ERICH3: variants seen among roughly 807,000 people sequenced by gnomAD.
ERICH3 encodes glutamate-rich protein 3.
In ERICH3, 126 loss-of-function variants were observed where a neutral mutation model predicts 131.1. The observed-to-expected ratio is 0.96, with a 90% CI of 0.83 to 1.11. The LOEUF (loss-of-function observed/expected upper bound fraction) is 1.11, where lower values mean the gene tolerates loss of function less well. Ranked by LOEUF, ERICH3 falls within the 50% of genes most tolerant of loss-of-function variation. The probability of loss-of-function intolerance (pLI) is 0.00; values close to 1 mark genes in which losing one functional copy is unlikely to be tolerated. For synonymous variants in ERICH3, 695 were observed against 644.6 expected (o/e 1.08, Z -1.18); for missense variants, 2,050 against 1,810.7 (o/e 1.13, Z -2.40).
chr1:74,607,034 C>A, intron 9 of ERICH3, 132 bp from the exon 10 acceptor site: 1 of 629,062 alleles, frequency 1.6e-6, no homozygotes, highest in South Asian at 4.5e-5. Flanking sequence ...ACAGTACACA[C>A]TAATAAAAAT....
At chr1:74,672,418 A>C (rs777896757) in intron 1 of ERICH3, among the ~76,000 whole-genome samples, 1 of 152,348 alleles carries the variant, frequency 6.6e-6, no homozygotes, top group East Asian at 1.9e-4. Context: ...CTGATTTCCA[A>C]CGTGGCACCT....
intron 1 of ERICH3, among the ~76,000 whole-genome samples, chr1:74,660,336 T>A (rs1349322304): frequency 6.6e-6 from 1 of 151,948 alleles, no homozygotes; most frequent in African/African-American, 2.4e-5. Flanking sequence ...CAATTTAACA[T>A]AAAATTAATA....
intron 13 of ERICH3, among the ~76,000 whole-genome samples, chr1:74,575,161 G>C (rs1195074065): frequency 6.6e-6 from 1 of 152,052 alleles, no homozygotes; most frequent in Non-Finnish European, 1.5e-5. Flanking sequence ...ATCCAAGACT[G>C]TCTTACCATT....
chr1:74,650,091 G>C lies in ERICH3; in HGVS notation c.24-776C>G, dbSNP rs1375098224. On this transcript the variant is annotated intron_variant, in intron 1 of 14. Transcript: ENST00000326665. ...TAATGTGCTCAGGAAATAAAGATAT[G>C]ATTTTGTTTGGGACTTATTTTTATT... is the stretch of plus-strand genomic sequence containing the variant. Among the ~76,000 whole-genome samples the C allele has an allele frequency of 5.3e-5, 8 of 152,044 alleles. No homozygotes were observed. In the East Asian group the frequency reaches 1.2e-3, roughly 22 times the overall value.
chr1:74,612,630 A>G lies in ERICH3; in HGVS notation c.1180T>C (p.Cys394Arg). ...GFVCVERSSP[C>R]YKCIIAMGLD... The stretch of plus-strand genomic sequence containing the variant: ...GGACATTTGTTTCCATACTTGTAGC[A>G]AGGAGATGATCTCTCAACACACACA... Residue 394 changes from cysteine (C) to arginine (R), a missense_variant, in exon 9 of 15, where the codon TGC (cysteine) becomes CGC (arginine). Cys to Arg is a radical substitution (Grantham distance 180). Coordinates refer to ENST00000326665, the MANE Select transcript of ERICH3 (RefSeq NM_001002912.5). The G allele has an allele frequency of 6.4e-7, 1 of 1,554,646 alleles. No individual in the cohort carries two copies. Among genetic ancestry groups the G allele is most frequent in the Non-Finnish European group, 8.8e-7 (1 of 1,137,874 alleles).
intron 9 of ERICH3, 113 bp from the exon 10 acceptor site, chr1:74,607,015 G>A: frequency 1.0e-6 from 1 of 992,146 alleles, no homozygotes; most frequent in Non-Finnish European, 1.5e-6. Flanking sequence ...ACACAAAAAT[G>A]TTTTGATTAC....
chr1:74,645,566 T>C (rs1646475331), intron 3 of ERICH3, among the ~76,000 whole-genome samples: 1 of 152,040 alleles, frequency 6.6e-6, no homozygotes, highest in South Asian at 2.1e-4. Context: ...TTTGGAAAAC[T>C]AGGCTTCAAG....
intron 10 of ERICH3, among the ~76,000 whole-genome samples, chr1:74,602,485 T>C (rs1008892224): frequency 6.6e-6 from 1 of 151,966 alleles, no homozygotes; most frequent in Admixed American, 6.6e-5. Context: ...TCCCCACTAA[T>C]GAGGACGTGA....
rs745496149 is a variant in ERICH3, at chr1:74,571,139, G to A, written c.4571C>T (p.Ser1524Phe). ...VQGESETADV[S>F]PNNVQV ...CTCCTAGACCTGCACGTTGTTGGGG[G>A]AAACATCTGCAGTCTCGCTTTCTCC... The change falls in exon 14 of 15, where the codon TCC becomes TTC. Residue 1524 changes from serine to phenylalanine, a missense_variant. Coordinates refer to ENST00000326665, the MANE Select transcript of ERICH3 (RefSeq NM_001002912.5). 5.6e-6 allele frequency: 9 copies of A among 1,613,508 alleles called. No homozygotes were observed. Among genetic ancestry groups the A allele is most frequent in the African/African-American group, 4.0e-5 (3 of 74,912 alleles).
intron 11 of ERICH3, among the ~76,000 whole-genome samples, chr1:74,593,081 A>G (rs916943050): frequency 1.3e-5 from 2 of 152,098 alleles, no homozygotes; most frequent in Admixed American, 6.6e-5. Flanking sequence ...TCTGGTAGTG[A>G]TGCTATAAGA....
rs1460332314 is a variant in ERICH3 at position 74,569,758 on chromosome 1, T to C, written c.*700A>G. The C allele has an allele frequency of 2.0e-5, 3 of 152,184 alleles. No individual in the cohort carries two copies. The highest frequency in any genetic ancestry group is 4.4e-5 in the Non-Finnish European group (3 of 68,024). 9.4% of individuals were successfully genotyped at this position (152,184 alleles called of 1,614,324 possible). A position where few individuals can be genotyped will look rare whatever the true frequency, so the allele number is the denominator to read the frequency against. On this transcript the variant is annotated 3_prime_UTR_variant, in exon 15 of 15. Transcript: ENST00000326665. ...ATGCTGGAAGCTACCATTTTACTAG[T>C]CTACCCCAGAAAGCAGAACTACAGA...
At chr1:74,660,120 T>G (rs1210132995) in intron 1 of ERICH3, among the ~76,000 whole-genome samples, 3 of 152,182 alleles carry the variant, frequency 2.0e-5, no homozygotes, top group African/African-American at 2.4e-5. Context: ...TGAATTCTCA[T>G]GAGATCTGAT....
At chr1:74,647,426 C>G (rs1349023726) in intron 2 of ERICH3, among the ~76,000 whole-genome samples, 1 of 151,950 alleles carries the variant, frequency 6.6e-6, no homozygotes, top group African/African-American at 2.4e-5. Flanking sequence ...CACTCTCCAG[C>G]CCAAAATGTA....
At chr1:74,587,880 A>G (rs990626552) in intron 12 of ERICH3, among the ~76,000 whole-genome samples, 4 of 152,214 alleles carry the variant, frequency 2.6e-5, no homozygotes, top group Admixed American at 2.6e-4. Flanking sequence ...TGATTTATAT[A>G]TGACAAAAAT....
chr1:74,571,789 T>G lies in ERICH3; in HGVS notation c.3921A>C (p.Glu1307Asp). 6.2e-7 allele frequency: 1 copy of G among 1,613,976 alleles called. No homozygotes were observed. ...EEDKECTLETEAMQDRNSEGD... is the reference protein window; with the variant it reads ...EEDKECTLETDAMQDRNSEGD... Reference sequence around the variant, plus strand: ...CTTCCGAGTTCCTGTCCTGCATCGCTTCTGTCTCCAGAGTGCACTCTTTGT... The same window carrying G: ...CTTCCGAGTTCCTGTCCTGCATCGCGTCTGTCTCCAGAGTGCACTCTTTGT... The change falls in exon 14 of 15, where the codon GAA becomes GAC. Residue 1307 changes from glutamate to aspartate, a missense_variant. Glu to Asp is a conservative substitution (Grantham distance 45, BLOSUM62 2). Transcript: ENST00000326665.
chr1:74,636,282 C>T lies in ERICH3; in HGVS notation c.601G>A (p.Gly201Arg), dbSNP rs761698330. ...TTATTGATAAAAATAACATTTACCC[C>T]AATGGGAAACAGAGCTTCATTTTCC... ...LLENEALFPI[G>R]GKKAVMKFRN... Residue 201 changes from glycine (G) to arginine (R), a missense_variant and splice_region_variant, in exon 6 of 15, where the codon GGG (glycine) becomes AGG (arginine). Transcript: ENST00000326665. 1.3e-6 allele frequency: 2 copies of T among 1,598,170 alleles called. No individual in the cohort carries two copies. Among genetic ancestry groups the T allele is most frequent in the South Asian group, 2.3e-5 (2 of 87,140 alleles).
intron 1 of ERICH3, among the ~76,000 whole-genome samples, chr1:74,658,822 A>C (rs1032569953): frequency 6.6e-6 from 1 of 152,168 alleles, no homozygotes; most frequent in African/African-American, 2.4e-5. Flanking sequence ...GAGTTCCAAC[A>C]AGTTGTTTAC....
chr1:74,664,073 G>A (rs1570920329), intron 1 of ERICH3, among the ~76,000 whole-genome samples: 1 of 152,104 alleles, frequency 6.6e-6, no homozygotes, highest in East Asian at 1.9e-4. Flanking sequence ...TATGGTACTT[G>A]TTGGTATAAC....
At chr1:74,585,740 G>A (rs553696038) in intron 12 of ERICH3, among the ~76,000 whole-genome samples, 2 of 146,186 alleles carry the variant, frequency 1.4e-5, no homozygotes, top group African/African-American at 5.4e-5. Context: ...TCCAGTCAGG[G>A]ATCTAAGTAC....
Sources: gnomAD v4.1 joint callset for allele counts (sites outside exome capture counted in the v4.1 genomes callset) on GRCh38, gnomAD v4.1.1 for gene constraint, MANE v1.5 for transcripts, NCBI Gene and HGNC (gene_info 2026-07-23, HGNC 2026-07-21) for gene names.